Variants in DDX4 observed in about 807,000 individuals in gnomAD.
DDX4 encodes probable ATP-dependent RNA helicase DDX4.
A neutral mutation model predicts 100.0 loss-of-function variants in DDX4; 25 were observed. The ratio of observed to expected loss-of-function variants is 0.25; its 90% CI spans 0.18 to 0.35. DDX4 has a LOEUF of 0.35. Ranked by LOEUF, DDX4 falls within the 10% of genes least tolerant of loss-of-function variation. The pLI is 1.00. For missense variants in DDX4, 635 were observed against 882.4 expected, an observed-to-expected ratio of 0.72 and a Z score of 3.55; for synonymous variants, 259 against 275.7, an observed-to-expected ratio of 0.94 and a Z score of 0.60.
chr5:55,796,178 G>A (rs957932443), intron 17 of DDX4, among the ~76,000 whole-genome samples: 1 of 152,064 alleles, frequency 6.6e-6, no homozygotes, highest in African/African-American at 2.4e-5. Flanking sequence ...CCAACTGGAT[G>A]GTGTCCACCC....
chr5:55,752,033 A>G (rs1377469796), intron 3 of DDX4, among the ~76,000 whole-genome samples: 2 of 152,174 alleles, frequency 1.3e-5, no homozygotes, highest in Non-Finnish European at 2.9e-5. Flanking sequence ...CAAAAAAGGA[A>G]TCTTTGACGC....
intron 7 of DDX4, among the ~76,000 whole-genome samples, chr5:55,772,812 C>A (rs1349204751): frequency 6.6e-6 from 1 of 152,170 alleles, no homozygotes; most frequent in Non-Finnish European, 1.5e-5. Flanking sequence ...TTCCCAGATG[C>A]CCAGTCTTGA....
intron 18 of DDX4, among the ~76,000 whole-genome samples, chr5:55,811,797 A>G (rs866990547): frequency 2.0e-5 from 3 of 152,216 alleles, no homozygotes; most frequent in East Asian, 1.9e-4. Flanking sequence ...TATCTTCAAG[A>G]TGATGTTTTT....
intron 9 of DDX4, 99 bp downstream of exon 9, chr5:55,781,245 G>T: frequency 1.1e-6 from 1 of 920,196 alleles, no homozygotes; most frequent in Non-Finnish European, 1.6e-6. Flanking sequence ...TACTAGTTTG[G>T]CTTATGATTT....
At position 55,785,874 on chromosome 5, in the gene DDX4, C is replaced by G; in HGVS notation, c.864+3C>G. ...ATGATGCACCACCAGCAATTCTGGT[C>G]AGTGTATTAATTGTTTCTGTATTAG... On this transcript the variant is annotated splice_donor_region_variant and intron_variant, in intron 13 of 21. Transcript: ENST00000505374. The G allele has an allele frequency of 6.2e-7, 1 of 1,600,222 alleles. No homozygotes were observed. The highest frequency in any genetic ancestry group is 2.2e-5 in the East Asian group (1 of 44,784).
chr5:55,812,228 A>C (rs1744159675), intron 18 of DDX4, among the ~76,000 whole-genome samples: 1 of 152,164 alleles, frequency 6.6e-6, no homozygotes, highest in Non-Finnish European at 1.5e-5. Flanking sequence ...ACAAATTTGA[A>C]TAGAATTCCT....
chr5:55,795,601 C>T (rs1412302167), intron 17 of DDX4, among the ~76,000 whole-genome samples: 1 of 152,186 alleles, frequency 6.6e-6, no homozygotes, highest in Non-Finnish European at 1.5e-5. Flanking sequence ...GAGACCCTGT[C>T]TCTATAAAAA....
At chr5:55,745,039 C>T (rs1003163152) in intron 2 of DDX4, among the ~76,000 whole-genome samples, 1 of 152,004 alleles carries the variant, frequency 6.6e-6, no homozygotes, top group Non-Finnish European at 1.5e-5. Context: ...CATCACCATG[C>T]CAGGCTAATT....
At chr5:55,769,390 T>C (rs896646571) in intron 7 of DDX4, among the ~76,000 whole-genome samples, 1 of 152,174 alleles carries the variant, frequency 6.6e-6, no homozygotes, top group African/African-American at 2.4e-5. Context: ...CCTTATTGCT[T>C]GTTGTTGTCA....
chr5:55,785,023 G>A (rs1742158377), intron 10 of DDX4, among the ~76,000 whole-genome samples: 1 of 152,172 alleles, frequency 6.6e-6, no homozygotes, highest in African/African-American at 2.4e-5. Context: ...TCCAACACAG[G>A]TTCTTTTAGA....
chr5:55,784,183 C>A (rs1180968885), intron 10 of DDX4, among the ~76,000 whole-genome samples: 1 of 152,098 alleles, frequency 6.6e-6, no homozygotes, highest in African/African-American at 2.4e-5. Flanking sequence ...GACCTGAGAA[C>A]CTCTTGGTGG....
chr5:55,815,446 G>T (rs1270514432), intron 21 of DDX4, 23 bp downstream of exon 21: 2 of 1,594,704 alleles, frequency 1.3e-6, no homozygotes, highest in Admixed American at 1.8e-5. Context: ...GAAAACTTGA[G>T]AACTTGTCTT....
chr5:55,754,981 C>G (rs538247010), intron 3 of DDX4, among the ~76,000 whole-genome samples: 122 of 152,260 alleles, frequency 8.0e-4, no homozygotes, highest in African/African-American at 2.8e-3. Flanking sequence ...GTAGTATTCT[C>G]TGATGGTAGT....
At chr5:55,757,770 G>A (rs1039117701) in intron 3 of DDX4, among the ~76,000 whole-genome samples, 1 of 152,104 alleles carries the variant, frequency 6.6e-6, no homozygotes, top group African/African-American at 2.4e-5. Flanking sequence ...CCCACCGGGC[G>A]CGGTGGCTCA....
chr5:55,755,841 A>C (rs1244933906), intron 3 of DDX4, among the ~76,000 whole-genome samples: 2 of 152,096 alleles, frequency 1.3e-5, no homozygotes, highest in Non-Finnish European at 2.9e-5. Flanking sequence ...GAAAGCCAGC[A>C]CTCAGATCAA....
intron 18 of DDX4, among the ~76,000 whole-genome samples, chr5:55,807,448 C>T (rs1254953684): frequency 6.6e-6 from 1 of 152,152 alleles, no homozygotes; most frequent in East Asian, 1.9e-4. Context: ...CATGTTTTTG[C>T]AGTGGCTGGT....
In DDX4 at chr5:55,814,922, G is replaced by A; in HGVS notation, c.1737G>A (p.Arg579=). 6.2e-7 allele frequency: 1 copy of A among 1,614,018 alleles called. No individual in the cohort carries two copies. Among genetic ancestry groups the A allele is most frequent in the Admixed American group, 1.7e-5 (1 of 60,020 alleles). ...CAAGTGATCGGGAACAGAGAGAGCG[G>A]GAGCAAGCTCTTGGAGATTTTCGCT... ...SIHGDREQRE[R]EQALGDFRFG... is the part of the protein sequence containing the mutation. The change falls in exon 20 of 22, where the codon CGG becomes CGA. Residue 579 remains arginine (R), a synonymous_variant. Coordinates refer to ENST00000505374, the MANE Select transcript of DDX4 (RefSeq NM_024415.3).
Position 55,738,987 on chromosome 5 carries a change from A to C in DDX4, c.24A>C (p.Ala8=). 1.2e-6 allele frequency: 2 copies of C among 1,608,270 alleles called. No individual in the cohort carries two copies. The highest frequency in any genetic ancestry group is 8.5e-7 in the Non-Finnish European group (1 of 1,175,170). ...CCATGGGAGATGAAGATTGGGAAGC[A>C]GAAATCAACCCTCATATGTCTTCCT... MGDEDWE[A]EINPHMSSYV... is the part of the protein sequence containing the mutation. The change falls in exon 2 of 22, where the codon GCA becomes GCC. Residue 8 remains alanine (A), a synonymous_variant. Transcript: ENST00000505374.
At position 55,755,605 on chromosome 5, in the gene DDX4, G is replaced by A. The variant is rs114245967; in HGVS notation, c.128-4595G>A. Among the ~76,000 whole-genome samples the A allele has an allele frequency of 7.0e-3, 1,063 of 152,034 alleles. 16 individuals carry two copies. The highest frequency in any genetic ancestry group is 0.025 in the African/African-American group (1,030 of 41,480). ...TGTCATGTCGTCCTCACTTGGTTTT[G>A]GTTTCAAGCTTTTCATGTTTTCCAG... On this transcript the variant is annotated intron_variant, in intron 3 of 21. Coordinates refer to ENST00000505374, the MANE Select transcript of DDX4 (RefSeq NM_024415.3).
Sources: gnomAD v4.1 joint callset for allele counts (sites outside exome capture counted in the v4.1 genomes callset) on GRCh38, gnomAD v4.1.1 for gene constraint, MANE v1.5 for transcripts, NCBI Gene and HGNC (gene_info 2026-07-23, HGNC 2026-07-21) for gene names.